TRAPPC9: variants seen among roughly 807,000 people sequenced by gnomAD.
TRAPPC9 encodes trafficking protein particle complex subunit 9.
A neutral mutation model predicts 124.0 loss-of-function variants in TRAPPC9; 83 were observed. That is an observed-to-expected ratio of 0.67 (90% CI 0.56 to 0.80). TRAPPC9 has a LOEUF of 0.80. TRAPPC9 is among the 30% of genes least tolerant of loss of function. TRAPPC9 has a pLI of 0.00. For synonymous variants in TRAPPC9, 638 were observed against 617.5 expected (o/e 1.03, Z -0.49); for missense variants, 1,302 against 1,508.3 (o/e 0.86, Z 2.27).
At chr8:140,239,809 T>A (rs898012361) in intron 16 of TRAPPC9, among the ~76,000 whole-genome samples, 1 of 152,190 alleles carries the variant, frequency 6.6e-6, no homozygotes, top group African/African-American at 2.4e-5. Context: ...AAAGAAATAT[T>A]ATGGCATTAA....
chr8:139,884,641 C>T (rs534437648), intron 21 of TRAPPC9, among the ~76,000 whole-genome samples: 40 of 152,224 alleles, frequency 2.6e-4, no homozygotes, highest in Non-Finnish European at 4.7e-4. Flanking sequence ...AGGGACACGG[C>T]TGACTGTGCT....
chr8:140,394,163 G>A (rs2069019378), intron 7 of TRAPPC9, among the ~76,000 whole-genome samples: 1 of 152,196 alleles, frequency 6.6e-6, no homozygotes, highest in African/African-American at 2.4e-5. Context: ...ATGCCCAATT[G>A]AGCAGCATTA....
chr8:139,935,851 C>A (rs760115366), intron 19 of TRAPPC9, among the ~76,000 whole-genome samples: 2 of 152,204 alleles, frequency 1.3e-5, no homozygotes, highest in South Asian at 2.1e-4. Context: ...ATACAAGAAC[C>A]CTTCCTCATT....
chr8:140,430,931 T>C (rs1046034471), intron 4 of TRAPPC9, among the ~76,000 whole-genome samples: 3 of 151,950 alleles, frequency 2.0e-5, no homozygotes, highest in African/African-American at 7.2e-5. Context: ...TGAGCCACCA[T>C]GCCCGGCAGA....
At position 139,999,140 on chromosome 8, in the gene TRAPPC9, A is replaced by G. The variant is rs147745793; in HGVS notation, c.2700-10304T>C. Among the ~76,000 whole-genome samples, 532 of 152,312 alleles carry G rather than the reference A, an allele frequency of 3.5e-3. 2 individuals are homozygous for G. Among genetic ancestry groups the G allele is most frequent in the African/African-American group, 0.012 (507 of 41,574 alleles). On this transcript the variant is annotated intron_variant, in intron 18 of 22. Transcript: ENST00000438773. Reference sequence around the variant, plus strand: ...AAACATACCAAGAATTACATTAAATATAAATGACTTAAATAGTCTCATTAA... The same window carrying G: ...AAACATACCAAGAATTACATTAAATGTAAATGACTTAAATAGTCTCATTAA...
chr8:140,455,998 C>T (rs1397325053), intron 1 of TRAPPC9, among the ~76,000 whole-genome samples: 2 of 152,090 alleles, frequency 1.3e-5, no homozygotes, highest in Non-Finnish European at 2.9e-5. Flanking sequence ...AACCGGTGGC[C>T]GCCAGGGGCT....
chr8:140,116,111 G>A (rs955396741), intron 17 of TRAPPC9, among the ~76,000 whole-genome samples: 14 of 152,272 alleles, frequency 9.2e-5, no homozygotes, highest in African/African-American at 2.6e-4. Flanking sequence ...GCAACTGCAC[G>A]CAGGATATGA....
chr8:139,824,153 T>C (rs1825460649), intron 21 of TRAPPC9, among the ~76,000 whole-genome samples: 1 of 152,178 alleles, frequency 6.6e-6, no homozygotes, highest in African/African-American at 2.4e-5. Context: ...AATTTGACCA[T>C]TAAAGAAAGT....
In TRAPPC9 at chr8:140,413,902, A is replaced by G. The variant is rs537363830; in HGVS notation, c.887-8204T>C. 4.0e-5 allele frequency among the ~76,000 whole-genome samples: 6 copies of G among 151,628 alleles called. No homozygotes were observed. The East Asian group carries it at 5.8e-4, about 15-fold the overall frequency. ...ATATGTGCCACATTTTCTTAATCCAATCTATCATTGTTGGACATTTGGGTT... is the reference window on the plus strand; with the variant it reads ...ATATGTGCCACATTTTCTTAATCCAGTCTATCATTGTTGGACATTTGGGTT... On this transcript the variant is annotated intron_variant, in intron 5 of 22. Transcript: ENST00000438773.
At chr8:139,760,779 T>C (rs913408824) in intron 21 of TRAPPC9, among the ~76,000 whole-genome samples, 2 of 152,174 alleles carry the variant, frequency 1.3e-5, no homozygotes, top group African/African-American at 2.4e-5. Context: ...CCCCCATTTT[T>C]AAAACCATTA....
intron 17 of TRAPPC9, among the ~76,000 whole-genome samples, chr8:140,153,485 G>A (rs2061580867): frequency 6.6e-6 from 1 of 152,018 alleles, no homozygotes; most frequent in Non-Finnish European, 1.5e-5. Context: ...CTGTGCACAT[G>A]TGTATCATTA....
intron 9 of TRAPPC9, among the ~76,000 whole-genome samples, chr8:140,347,630 C>T (rs1345495806): frequency 6.6e-6 from 1 of 152,174 alleles, no homozygotes; most frequent in Non-Finnish European, 1.5e-5. Context: ...TCCACTGACC[C>T]CCTCACTCTG....
intron 7 of TRAPPC9, among the ~76,000 whole-genome samples, chr8:140,395,179 G>A (rs906498650): frequency 6.6e-6 from 1 of 152,166 alleles, no homozygotes; most frequent in Non-Finnish European, 1.5e-5. Flanking sequence ...CCCCAGCGGT[G>A]GTGCTGTTTC....
At chr8:139,813,498 T>C (rs1260042702) in intron 21 of TRAPPC9, among the ~76,000 whole-genome samples, 2 of 152,172 alleles carry the variant, frequency 1.3e-5, no homozygotes, top group Non-Finnish European at 2.9e-5. Context: ...TGCTGGTCTA[T>C]GAGCCGAGAA....
chr8:140,367,852 C>A (rs1346055534), intron 8 of TRAPPC9, among the ~76,000 whole-genome samples: 2 of 152,130 alleles, frequency 1.3e-5, no homozygotes, highest in Non-Finnish European at 2.9e-5. Flanking sequence ...GGGTCATCAG[C>A]CTCAATTCAC....
intron 19 of TRAPPC9, among the ~76,000 whole-genome samples, chr8:139,966,473 C>T (rs1396679982): frequency 6.6e-6 from 1 of 152,260 alleles, no homozygotes; most frequent in Non-Finnish European, 1.5e-5. Context: ...GGGAGGCACA[C>T]AGGCCCAAGC....
At chr8:140,120,201 T>C (rs2060958615) in intron 17 of TRAPPC9, among the ~76,000 whole-genome samples, 1 of 152,218 alleles carries the variant, frequency 6.6e-6, no homozygotes, top group South Asian at 2.1e-4. Context: ...ATCCACAAGA[T>C]AGAAATTAAG....
chr8:139,830,644 TACAG>T (rs1270154745), intron 21 of TRAPPC9, among the ~76,000 whole-genome samples: 13 of 150,818 alleles, frequency 8.6e-5, no homozygotes, highest in African/African-American at 2.2e-4. Context: ...ACAGATACAA[TACAG>T]ACATACACAT....
At chr8:140,176,333 C>A (rs1587860340) in intron 17 of TRAPPC9, among the ~76,000 whole-genome samples, 1 of 152,284 alleles carries the variant, frequency 6.6e-6, no homozygotes, top group East Asian at 1.9e-4. Context: ...CGTCCCACCC[C>A]AAAGCCTCCA....
Sources: gnomAD v4.1 joint callset for allele counts (sites outside exome capture counted in the v4.1 genomes callset) on GRCh38, gnomAD v4.1.1 for gene constraint, MANE v1.5 for transcripts, NCBI Gene and HGNC (gene_info 2026-07-23, HGNC 2026-07-21) for gene names.